Variants in BIN1 observed in about 807,000 individuals in gnomAD.
The protein encoded by BIN1 is bridging integrator 1.
Under a neutral mutation model 82.0 loss-of-function variants are expected in BIN1, and 53 were observed. The ratio of observed to expected loss-of-function variants is 0.65; its 90% confidence interval spans 0.52 to 0.81. BIN1 has a LOEUF of 0.81. Ranked by LOEUF, BIN1 falls within the 40% of genes least tolerant of loss-of-function variation. BIN1 has a pLI of 0.00. For synonymous variants in BIN1, 302 were observed against 328.0 expected (o/e 0.92, Z 0.86); for missense variants, 642 against 784.4 (o/e 0.82, Z 2.17).
chr2:127,053,669 G>A (rs957330061), intron 13 of BIN1: 6 of 730,800 alleles, frequency 8.2e-6, no homozygotes, highest in Admixed American at 6.4e-5. Context: ...TGCCCCAAGC[G>A]ATGAGCACAA....
Position 127,086,728 on chromosome 2 carries a change from G to A in BIN1, c.85-10022C>T, listed in dbSNP as rs368274030. ...TCACCATGCTGGCCAGGCTGGTTTC[G>A]AACCCCTGACCTCGTGATCCACCCG... is the stretch of plus-strand genomic sequence containing the variant. On this transcript the variant is annotated intron_variant, in intron 1 of 18. Transcript: ENST00000316724. Among the ~76,000 whole-genome samples, 9 of 152,072 alleles carry A rather than the reference G, an allele frequency of 5.9e-5. 1 individual carries two copies. Among genetic ancestry groups the A allele is most frequent in the African/African-American group, 2.2e-4 (9 of 41,482 alleles).
At chr2:127,087,953 C>T (rs1186748935) in intron 1 of BIN1, among the ~76,000 whole-genome samples, 5 of 152,226 alleles carry the variant, frequency 3.3e-5, no homozygotes, top group Non-Finnish European at 5.9e-5. Flanking sequence ...AGAAGGGCTA[C>T]GCCCACCCAG....
rs747094010 is a variant in BIN1 at position 127,091,082 on chromosome 2, A to G, written c.85-14376T>C. On this transcript the variant is annotated intron_variant, in intron 1 of 18. Transcript: ENST00000316724. ...ACACTGGAACTAGTAAATGGTGCCT[A>G]CGGGAGGTATGTGTTTATCTCAAAC... 9.7e-4 allele frequency among the ~76,000 whole-genome samples: 147 copies of G among 152,268 alleles called. 2 individuals are homozygous for G. The highest frequency in any genetic ancestry group is 6.8e-3 in the Middle Eastern group (2 of 294).
intron 1 of BIN1, among the ~76,000 whole-genome samples, chr2:127,086,034 G>A (rs1325009313): frequency 1.3e-5 from 2 of 152,180 alleles, no homozygotes; most frequent in East Asian, 3.9e-4. Flanking sequence ...TGCAAAGCAT[G>A]ACCACCAGGG....
chr2:127,098,253 G>T (rs1255695810), intron 1 of BIN1, among the ~76,000 whole-genome samples: 2 of 152,186 alleles, frequency 1.3e-5, no homozygotes, highest in African/African-American at 4.8e-5. Context: ...GGATGGGGAG[G>T]CCTGCAGGGA....
At position 127,068,672 on chromosome 2, in the gene BIN1, C is replaced by T. The variant is rs1685472105; in HGVS notation, c.519+252G>A. 6.6e-6 allele frequency among the ~76,000 whole-genome samples: 1 copy of T among 152,174 alleles called. No individual in the cohort carries two copies. Among genetic ancestry groups the T allele is most frequent in the South Asian group, 2.1e-4 (1 of 4,834 alleles). ...TCCAGGGAAACCCAGGAGGCCCATTCTCAGGCTGGCAGGTGGCCTGGATCA... is the reference window on the plus strand; with the variant it reads ...TCCAGGGAAACCCAGGAGGCCCATTTTCAGGCTGGCAGGTGGCCTGGATCA... On this transcript the variant is annotated intron_variant, in intron 6 of 18. Transcript: ENST00000316724. The surrounding 1 kb of genome is among the most constrained non-coding windows in gnomAD (Gnocchi z 4.9).
At chr2:127,049,811 C>T (rs1255532996) in intron 18 of BIN1, among the ~76,000 whole-genome samples, 1 of 152,246 alleles carries the variant, frequency 6.6e-6, no homozygotes, top group Non-Finnish European at 1.5e-5. Flanking sequence ...TAGCACCCAC[C>T]CAGGCTCAAC....
At position 127,096,161 on chromosome 2, in the gene BIN1, C is replaced by T. The variant is rs76150624; in HGVS notation, c.84+10699G>A. ...AGCCTCGGCCCCACCTGCAATCTTTCGCCCTCTCCTCCCCATTCTATCAGG... is the reference window on the plus strand; with the variant it reads ...AGCCTCGGCCCCACCTGCAATCTTTTGCCCTCTCCTCCCCATTCTATCAGG... On this transcript the variant is annotated intron_variant, in intron 1 of 18. Transcript: ENST00000316724. 1.1e-4 allele frequency among the ~76,000 whole-genome samples: 17 copies of T among 152,176 alleles called. 1 individual carries two copies. In the East Asian group the frequency reaches 2.3e-3, roughly 21 times the overall value.
chr2:127,063,734 G>T (rs866175296), intron 8 of BIN1, 88 bp from the exon 9 acceptor site: 3 of 1,465,992 alleles, frequency 2.0e-6, no homozygotes, highest in Non-Finnish European at 2.8e-6. Context: ...GACCACACAC[G>T]CTCATCAGAG....
rs1462533329 is a variant in BIN1 at position 127,059,112 on chromosome 2, C to A, written c.901G>T (p.Asp301Tyr). 1.3e-6 allele frequency: 2 copies of A among 1,594,206 alleles called. No individual in the cohort carries two copies. The change falls in exon 11 of 19, where the codon GAT becomes TAT. Residue 301 changes from aspartate (D) to tyrosine (Y), a missense_variant. Coordinates refer to ENST00000316724, the MANE Select transcript of BIN1 (RefSeq NM_139343.3). This position sits in a 1 kb window ranked among gnomAD's most constrained non-coding sequence, Gnocchi z 6.7. The part of the protein sequence containing the change: ...AKGNKSPSPP[D>Y]GSPAATPEIR... ...TCGGGGGTGGCGGCAGGGGAGCCAT[C>A]TGGAGGCGAAGGGCTCTTGTTCCCT...
At chr2:127,053,814 A>T (rs1683280771) in intron 13 of BIN1, 91 bp downstream of exon 13, 30 of 1,259,560 alleles carry the variant, frequency 2.4e-5, no homozygotes, top group Non-Finnish European at 3.2e-5. Context: ...ACCCAGGCCT[A>T]GCTGGGGTCA....
intron 1 of BIN1, among the ~76,000 whole-genome samples, chr2:127,088,933 C>T (rs1345037532): frequency 1.3e-5 from 2 of 151,978 alleles, no homozygotes; most frequent in African/African-American, 2.4e-5. Context: ...CTGAGGTGGA[C>T]GGGAGGGATG....
intron 2 of BIN1, 31 bp from the exon 3 acceptor site, chr2:127,070,847 G>A: frequency 1.2e-6 from 2 of 1,603,852 alleles, no homozygotes; most frequent in Non-Finnish European, 1.7e-6. Context: ...ACCAGGTCAG[G>A]GACTGGTGGC....
intron 10 of BIN1, chr2:127,060,672 A>C (rs778577020): frequency 6.2e-7 from 1 of 1,613,718 alleles, no homozygotes; most frequent in East Asian, 2.2e-5. Context: ...GGAGGCCTTC[A>C]TTCTGGAGAA....
At chr2:127,089,597 T>C (rs1179999962) in intron 1 of BIN1, among the ~76,000 whole-genome samples, 1 of 152,038 alleles carries the variant, frequency 6.6e-6, no homozygotes, top group Non-Finnish European at 1.5e-5. Context: ...TGGGGTGGAC[T>C]GGACACACCC....
At chr2:127,086,747 C>G (rs1678220904) in intron 1 of BIN1, among the ~76,000 whole-genome samples, 1 of 152,096 alleles carries the variant, frequency 6.6e-6, no homozygotes. Flanking sequence ...ACCTCGTGAT[C>G]CACCCGCCTC....
intron 1 of BIN1, among the ~76,000 whole-genome samples, chr2:127,079,566 A>T (rs1687039160): frequency 6.6e-6 from 1 of 152,222 alleles, no homozygotes; most frequent in African/African-American, 2.4e-5. Context: ...AACCTCACTC[A>T]GGTGACATCA....
chr2:127,069,552 C>A (rs1372276854), intron 5 of BIN1, among the ~76,000 whole-genome samples: 2 of 152,210 alleles, frequency 1.3e-5, no homozygotes, highest in Non-Finnish European at 2.9e-5. Flanking sequence ...GCAGGCTTTG[C>A]GAATGCACAC....
intron 14 of BIN1, chr2:127,052,611 G>A (rs562428945): frequency 1.4e-3 from 743 of 547,538 alleles, no homozygotes; most frequent in Non-Finnish European, 2.0e-3. Context: ...TGTCAAAATG[G>A]CCCTACCAGC....
Sources: allele counts gnomAD v4.1 joint callset (sites outside exome capture counted in the v4.1 genomes callset), GRCh38; gene constraint gnomAD v4.1.1; non-coding constraint Gnocchi (gnomAD v3.1); transcripts MANE v1.5; gene names NCBI Gene and HGNC (gene_info 2026-07-23, HGNC 2026-07-21).